ZNF850: variants seen among roughly 807,000 people sequenced by gnomAD.
ZNF850 encodes the protein zinc finger protein 850, also known as putative zinc finger protein ENSP00000330994.
A neutral mutation model predicts 11.9 loss-of-function variants in ZNF850; 2 were observed. That is an observed-to-expected ratio of 0.17 (90% CI 0.07 to 0.53). ZNF850 has a LOEUF of 0.53. ZNF850 is among the 20% of genes least tolerant of loss of function. ZNF850 has a pLI of 0.94. For missense variants in ZNF850, 1,014 were observed against 1,316.4 expected (o/e 0.77, Z 3.55); for synonymous variants, 381 against 443.0 (o/e 0.86, Z 1.76).
intron 4 of ZNF850, among the ~76,000 whole-genome samples, chr19:36,757,004 T>C (rs2040490575): frequency 6.6e-6 from 1 of 152,228 alleles, no homozygotes; most frequent in African/African-American, 2.4e-5. Context: ...ACTTCTTTTA[T>C]TTCTGTAGCA....
chr19:36,756,433 G>A (rs1167584728), intron 4 of ZNF850, among the ~76,000 whole-genome samples: 1 of 152,128 alleles, frequency 6.6e-6, no homozygotes, highest in Non-Finnish European at 1.5e-5. Flanking sequence ...TGATGTATGT[G>A]TATCTATGTG....
intron 1 of ZNF850, among the ~76,000 whole-genome samples, chr19:36,766,548 C>T (rs2040550543): frequency 6.6e-6 from 1 of 152,154 alleles, no homozygotes; most frequent in Non-Finnish European, 1.5e-5. Flanking sequence ...TAAATGGCTA[C>T]TACACTGTGT....
Position 36,757,503 on chromosome 19 carries a change from CTT to C in ZNF850, c.235+4138_235+4139del, listed in dbSNP as rs57226971. 4.0e-3 allele frequency among the ~76,000 whole-genome samples: 392 copies of C among 97,388 alleles called. 1 individual carries two copies. The highest frequency in any genetic ancestry group is 0.012 in the African/African-American group (314 of 25,442). 63.9% of individuals were successfully genotyped at this position (97,388 alleles called of 152,430 possible). On this transcript the variant is annotated intron_variant, in intron 4 of 4. Coordinates refer to ENST00000591344, the MANE Select transcript of ZNF850 (RefSeq NM_001193552.2). ...GAAGCACAAACAGGAAATATAGTTT[CTT>C]TTTTTTTTTTTTTTTTTTTGAGACA...
In ZNF850 at chr19:36,748,494, G is replaced by A; in HGVS notation, c.2546C>T (p.Ser849Phe). 6.5e-7 allele frequency: 1 copy of A among 1,540,138 alleles called. No homozygotes were observed. Among genetic ancestry groups the A allele is most frequent in the African/African-American group, 1.4e-5 (1 of 73,190 alleles). The change falls in exon 5 of 5, where the codon TCT becomes TTT. Residue 849 changes from serine (S) to phenylalanine (F), a missense_variant. Coordinates refer to ENST00000591344, the MANE Select transcript of ZNF850 (RefSeq NM_001193552.2). ...KRYSCKECGKSFTSRSTLIEH... is the reference protein window; with the variant it reads ...KRYSCKECGKFFTSRSTLIEH... ...AATTAGTGTTGAGCGAGAAGTAAAA[G>A]ATTTCCCACATTCTTTACAACTGTA...
Position 36,749,907 on chromosome 19 carries a change from G to T in ZNF850, c.1133C>A (p.Ser378Ter). 1.3e-6 allele frequency: 2 copies of T among 1,573,836 alleles called. No homozygotes were observed. Among genetic ancestry groups the T allele is most frequent in the Non-Finnish European group, 1.7e-6 (2 of 1,161,868 alleles). ...AATTCGCTGATGTCGAATTAGAGCT[G>T]AGTGAAAAGTAAAAGATTTTCCACA... ...KECGKSFTFHSALIRHQRIHT... is the reference protein window; with the variant it reads ...KECGKSFTFH The change falls in exon 5 of 5, where the codon TCA becomes TAA. Residue 378 changes from serine to a stop codon, truncating the protein, a stop_gained. Transcript: ENST00000591344. LOFTEE classifies it low-confidence loss of function (END_TRUNC).
chr19:36,752,142 A>G (rs1331813767), intron 4 of ZNF850, among the ~76,000 whole-genome samples: 1 of 152,198 alleles, frequency 6.6e-6, no homozygotes, highest in African/African-American at 2.4e-5. Flanking sequence ...TGCAATCATG[A>G]TTTTTAAAAA....
rs545386228 is a variant in ZNF850, at chr19:36,749,895, C to T, written c.1145G>A (p.Arg382Gln). The T allele has an allele frequency of 3.0e-5, 48 of 1,575,490 alleles. No homozygotes were observed. The highest frequency in any genetic ancestry group is 3.8e-5 in the Non-Finnish European group (44 of 1,163,360). ...CTCACCAGTGTGAATTCGCTGATGT[C>T]GAATTAGAGCTGAGTGAAAAGTAAA... is the stretch of plus-strand genomic sequence containing the variant. ...KSFTFHSALI[R>Q]HQRIHTGEKP... The change falls in exon 5 of 5, where the codon CGA (arginine) becomes CAA (glutamine). Residue 382 changes from arginine (R) to glutamine (Q), a missense_variant. Transcript: ENST00000591344.
chr19:36,767,034 C>T (rs749904320), intron 1 of ZNF850, among the ~76,000 whole-genome samples: 2 of 152,016 alleles, frequency 1.3e-5, no homozygotes, highest in Non-Finnish European at 2.9e-5. Context: ...GTCAGGAGTT[C>T]GAGACCAGCA....
chr19:36,748,437 G>A lies in ZNF850; in HGVS notation c.2603C>T (p.Pro868Leu), dbSNP rs1362234618. The A allele has an allele frequency of 6.4e-7, 1 of 1,559,066 alleles. No individual in the cohort carries two copies. Among genetic ancestry groups the A allele is most frequent in the Admixed American group, 1.9e-5 (1 of 52,714 alleles). Residue 868 changes from proline (P) to leucine (L), a missense_variant, in exon 5 of 5, where the codon CCC becomes CTC. Physicochemically the swap from Pro to Leu is moderately conservative, Grantham distance 98. Coordinates refer to ENST00000591344, the MANE Select transcript of ZNF850 (RefSeq NM_001193552.2). ...TTTTCCACATTCCTTACAATGATAG[G>A]GTTTCTCACCAGTGTGAATTCGCTG... ...EHQRIHTGEKPYHCKECGKSF... is the reference protein window; with the variant it reads ...EHQRIHTGEKLYHCKECGKSF...
At chr19:36,763,237 A>G (rs1474552199) in intron 1 of ZNF850, among the ~76,000 whole-genome samples, 2 of 152,016 alleles carry the variant, frequency 1.3e-5, no homozygotes, top group Non-Finnish European at 1.5e-5. Context: ...AAATATCTAC[A>G]AAAAGTTTAA....
At chr19:36,769,646 T>C (rs1189603311) in intron 1 of ZNF850, among the ~76,000 whole-genome samples, 1 of 152,310 alleles carries the variant, frequency 6.6e-6, no homozygotes, top group South Asian at 2.1e-4. Flanking sequence ...ATGGAGTTGA[T>C]GGATTCGAGG....
At chr19:36,760,187 G>A (rs747658285) in intron 4 of ZNF850, among the ~76,000 whole-genome samples, 5 of 151,700 alleles carry the variant, frequency 3.3e-5, no homozygotes, top group African/African-American at 7.3e-5. Context: ...GGCTCACGCC[G>A]GTAATCCTAG....
At chr19:36,753,764 A>G (rs1223450081) in intron 4 of ZNF850, among the ~76,000 whole-genome samples, 1 of 152,184 alleles carries the variant, frequency 6.6e-6, no homozygotes. Context: ...AATAGCATAT[A>G]TATTTGCAAA....
chr19:36,759,207 A>G (rs2040504383), intron 4 of ZNF850, among the ~76,000 whole-genome samples: 1 of 152,230 alleles, frequency 6.6e-6, no homozygotes, highest in Admixed American at 6.5e-5. Flanking sequence ...ACAGTTGCTC[A>G]TGCCTGTAAT....
chr19:36,743,511 A>G lies in ZNF850; in HGVS notation c.*4256T>C, dbSNP rs1310104985. On this transcript the variant is annotated 3_prime_UTR_variant, in exon 5 of 5. Transcript: ENST00000591344. ...AATAGGCAAATACTTTTATTTACAA[A>G]TAATACCAACATCTCTTTAGACAAT... 1 of 152,216 alleles carries G rather than the reference A, an allele frequency of 6.6e-6. No individual in the cohort carries two copies. The highest frequency in any genetic ancestry group is 2.4e-5 in the African/African-American group (1 of 41,476). 9.4% of individuals were successfully genotyped at this position (152,216 alleles called of 1,614,324 possible). A position where few individuals can be genotyped will look rare whatever the true frequency, so the allele number is the denominator to read the frequency against.
Position 36,744,900 on chromosome 19 carries a change from A to T in ZNF850, c.*2867T>A, listed in dbSNP as rs1179113291. 1 of 152,106 alleles carries T rather than the reference A, an allele frequency of 6.6e-6. No homozygotes were observed. The highest frequency in any genetic ancestry group is 1.9e-4 in the East Asian group (1 of 5,182). 9.4% of individuals were successfully genotyped at this position (152,106 alleles called of 1,614,324 possible). A position where few individuals can be genotyped will look rare whatever the true frequency, so the allele number is the denominator to read the frequency against. On this transcript the variant is annotated 3_prime_UTR_variant, in exon 5 of 5. Transcript: ENST00000591344. ...TTTGGGAGGCCGAGGTGGGCGGGTCATGAGGTCAGGAGATTGAGACCATCC... is the reference window on the plus strand; with the variant it reads ...TTTGGGAGGCCGAGGTGGGCGGGTCTTGAGGTCAGGAGATTGAGACCATCC...
chr19:36,771,514 T>C (rs1227815), intron 1 of ZNF850, among the ~76,000 whole-genome samples: 2 of 131,192 alleles, frequency 1.5e-5, no homozygotes, highest in Admixed American at 7.4e-5. Context: ...GAAGTGAAAG[T>C]TTGGCCCGGG....
At chr19:36,762,556 G>A in intron 2 of ZNF850, 39 bp downstream of exon 2, 2 of 1,536,068 alleles carry the variant, frequency 1.3e-6, no homozygotes, top group Non-Finnish European at 8.7e-7. Context: ...GATGAGAGTG[G>A]GGAAGAGTAA....
At position 36,750,706 on chromosome 19, in the gene ZNF850, G is replaced by A. The variant is rs528094097; in HGVS notation, c.334C>T (p.Leu112Phe). The change falls in exon 5 of 5, where the codon CTT (leucine) becomes TTT (phenylalanine). Residue 112 changes from leucine to phenylalanine, a missense_variant. Physicochemically the swap from Leu to Phe is conservative, Grantham distance 22 (BLOSUM62 0). Transcript: ENST00000591344. The stretch of plus-strand genomic sequence containing the variant: ...TCATCTCTGACACTGGAGCCCACAA[G>A]GCTATGACATTTTTCCATTCTCACC... ...QWVRMEKCHS[L>F]VGSSVRDDWE... The A allele has an allele frequency of 1.0e-5, 16 of 1,536,132 alleles. No individual in the cohort carries two copies. Among genetic ancestry groups the A allele is most frequent in the Admixed American group, 3.9e-5 (2 of 50,980 alleles).
Sources: gnomAD v4.1 joint callset for allele counts (sites outside exome capture counted in the v4.1 genomes callset) on GRCh38, gnomAD v4.1.1 for gene constraint, MANE v1.5 for transcripts, NCBI Gene and HGNC (gene_info 2026-07-23, HGNC 2026-07-21) for gene names.